The following GALNT13 variants were observed in gnomAD, a reference collection of about 807,000 sequenced individuals.
GALNT13 encodes the protein polypeptide N-acetylgalactosaminyltransferase 13, also known as UDP-GalNAc:polypeptide N-acetylgalactosaminyltransferase 13.
GALNT13 carries 28 observed loss-of-function variants against 64.2 expected under a neutral mutation model. That is an observed-to-expected ratio of 0.44 (90% CI 0.32 to 0.60). The LOEUF is 0.60. Among genes scored for constraint, GALNT13 ranks in the 20% least tolerant of loss-of-function variants. GALNT13 has a pLI of 0.05. For synonymous variants in GALNT13, 214 were observed against 224.6 expected (o/e 0.95, Z 0.42); for missense variants, 577 against 669.8 (o/e 0.86, Z 1.53).
intron 4 of GALNT13, among the ~76,000 whole-genome samples, chr2:154,150,885 T>C (rs776604538): frequency 6.6e-6 from 1 of 152,184 alleles, no homozygotes; most frequent in Admixed American, 6.5e-5. Flanking sequence ...AACCAGCTCC[T>C]GGATTCATTA....
chr2:153,822,489 T>A, the GALNT13 span, among the ~76,000 whole-genome samples: 1 of 152,144 alleles, frequency 6.6e-6, no homozygotes, highest in Non-Finnish European at 1.5e-5. Flanking sequence ...GCCATATGAT[T>A]ATCTCAATAG....
chr2:153,137,378 G>A, the GALNT13 span, among the ~76,000 whole-genome samples: 2 of 151,996 alleles, frequency 1.3e-5, no homozygotes, highest in Admixed American at 6.6e-5. Flanking sequence ...CAATGTGGTC[G>A]GACCTTTGAG....
the GALNT13 span, among the ~76,000 whole-genome samples, chr2:153,555,397 T>TG: frequency 9.2e-6 from 1 of 108,578 alleles, no homozygotes; most frequent in South Asian, 3.4e-4. Flanking sequence ...GGTTTCACCG[T>TG]GTTAGCCAGG....
the GALNT13 span, among the ~76,000 whole-genome samples, chr2:153,807,149 C>A: frequency 6.6e-6 from 1 of 152,018 alleles, no homozygotes; most frequent in East Asian, 1.9e-4. Context: ...CTTTTAGCAA[C>A]CCCATCCCTC....
At chr2:153,292,347 T>A in the GALNT13 span, among the ~76,000 whole-genome samples, 1 of 152,210 alleles carries the variant, frequency 6.6e-6, no homozygotes, top group Non-Finnish European at 1.5e-5. Flanking sequence ...ATTCAACACA[T>A]TTACTAAGAA....
chr2:153,195,964 A>G, the GALNT13 span, among the ~76,000 whole-genome samples: 1 of 152,278 alleles, frequency 6.6e-6, no homozygotes, highest in African/African-American at 2.4e-5. Context: ...ATGAGGGTTC[A>G]GCTCTTAGCA....
chr2:153,500,574 T>C, the GALNT13 span, among the ~76,000 whole-genome samples: 1 of 152,254 alleles, frequency 6.6e-6, no homozygotes, highest in African/African-American at 2.4e-5. Flanking sequence ...TGTATCCCTT[T>C]TGTTTCTTCT....
the GALNT13 span, among the ~76,000 whole-genome samples, chr2:153,433,800 C>T: frequency 1.3e-5 from 2 of 151,858 alleles, no homozygotes; most frequent in South Asian, 2.1e-4. Flanking sequence ...AAATAATGGC[C>T]TTATCAGATA....
At chr2:153,535,864 T>A in the GALNT13 span, among the ~76,000 whole-genome samples, 318 of 152,194 alleles carry the variant, frequency 2.1e-3, 1 homozygote, top group African/African-American at 7.2e-3. Context: ...CAGACTGTAT[T>A]GAGGTGGGAA....
chr2:153,673,557 C>A, the GALNT13 span, among the ~76,000 whole-genome samples: 1 of 152,052 alleles, frequency 6.6e-6, no homozygotes, highest in Non-Finnish European at 1.5e-5. Flanking sequence ...TAGAACGTAT[C>A]TCAAAATAAT....
intron 3 of GALNT13, among the ~76,000 whole-genome samples, chr2:154,046,791 C>T (rs1468247565): frequency 6.6e-6 from 1 of 152,086 alleles, no homozygotes; most frequent in Non-Finnish European, 1.5e-5. Flanking sequence ...TAAAAGCCAT[C>T]TGAGGATACA....
intron 10 of GALNT13, among the ~76,000 whole-genome samples, chr2:154,402,870 T>A (rs1699359988): frequency 6.6e-6 from 1 of 152,212 alleles, no homozygotes; most frequent in African/African-American, 2.4e-5. Context: ...AAAGTTCTGA[T>A]TTTAAAATTA....
At chr2:154,426,972 T>C (rs1192509613) in intron 11 of GALNT13, among the ~76,000 whole-genome samples, 5 of 152,210 alleles carry the variant, frequency 3.3e-5, no homozygotes. Context: ...AGCATTGTTA[T>C]TGAGTCCACA....
the GALNT13 span, among the ~76,000 whole-genome samples, chr2:153,452,638 T>C: frequency 6.6e-6 from 1 of 151,842 alleles, no homozygotes; most frequent in East Asian, 1.9e-4. Context: ...CACAAACAAA[T>C]GGAAAAACAT....
At chr2:153,270,328 C>A in the GALNT13 span, among the ~76,000 whole-genome samples, 1 of 152,138 alleles carries the variant, frequency 6.6e-6, no homozygotes, top group Non-Finnish European at 1.5e-5. Context: ...ATGCTAGACA[C>A]TAGACTGAGT....
intron 9 of GALNT13, among the ~76,000 whole-genome samples, chr2:154,352,280 C>CA (rs1696457333): frequency 6.6e-5 from 10 of 152,302 alleles, no homozygotes; most frequent in Admixed American, 6.5e-4. Flanking sequence ...CTGCAGTTGG[C>CA]CTCCCATAGC....
the GALNT13 span, among the ~76,000 whole-genome samples, chr2:153,394,110 C>T: frequency 1.3e-5 from 2 of 151,936 alleles, no homozygotes; most frequent in Non-Finnish European, 2.9e-5. Context: ...GCTTCAAGAG[C>T]CAGTGTATGA....
the GALNT13 span, among the ~76,000 whole-genome samples, chr2:153,594,437 T>C: frequency 6.6e-6 from 1 of 152,166 alleles, no homozygotes; most frequent in South Asian, 2.1e-4. Flanking sequence ...TCTGAGTTTC[T>C]TCCTAGTTCT....
chr2:153,424,636 G>A, the GALNT13 span, among the ~76,000 whole-genome samples: 2 of 151,824 alleles, frequency 1.3e-5, no homozygotes, highest in Non-Finnish European at 3.0e-5. Context: ...GGGAAACCAG[G>A]TCTCCTATTA....
Sources: gnomAD v4.1 joint callset for allele counts (sites outside exome capture counted in the v4.1 genomes callset) on GRCh38, gnomAD v4.1.1 for gene constraint, MANE v1.5 for transcripts, NCBI Gene and HGNC (gene_info 2026-07-23, HGNC 2026-07-21) for gene names.